The following ZFHX3 variants were observed in gnomAD, a reference collection of about 807,000 sequenced individuals.
ZFHX3 encodes the protein zinc finger homeobox protein 3.
In ZFHX3, 42 loss-of-function variants were observed where a neutral mutation model predicts 279.1. The ratio of observed to expected loss-of-function variants is 0.15; its 90% confidence interval spans 0.12 to 0.19. The LOEUF (loss-of-function observed/expected upper bound fraction) is 0.19, where lower values mean the gene tolerates loss of function less well. Among genes scored for constraint, ZFHX3 ranks in the 10% least tolerant of loss-of-function variants. The pLI, the probability that ZFHX3 is intolerant of heterozygous loss-of-function variation, is 1.00. For synonymous variants in ZFHX3, 2,293 were observed against 1,957.8 expected, an observed-to-expected ratio of 1.17 and a Z score of -4.52; for missense variants, 4,981 against 4,754.0, an observed-to-expected ratio of 1.05 and a Z score of -1.40.
exon 3 of ZFHX3, chr16:73,456,120 G>C (rs544142482): frequency 6.6e-6 from 1 of 152,188 alleles, no homozygotes; most frequent in African/African-American, 2.4e-5. Flanking sequence ...CCAGCGGGCA[G>C]CAGAGTCCTC....
chr16:73,141,848 G>A (rs1180394819), intron 6 of ZFHX3, among the ~76,000 whole-genome samples: 1 of 152,190 alleles, frequency 6.6e-6, no homozygotes, highest in Non-Finnish European at 1.5e-5. Flanking sequence ...TGCCCAGCCT[G>A]TAATCTTGAT....
intron 5 of ZFHX3, among the ~76,000 whole-genome samples, chr16:73,249,856 CA>C (rs1241798196): frequency 1.0e-5 from 1 of 98,254 alleles, no homozygotes; most frequent in Non-Finnish European, 2.2e-5. Flanking sequence ...ACACAAAATT[CA>C]AAAGACCAAT....
Position 72,788,309 on chromosome 16 carries a change from T to G in ZFHX3, c.9967A>C (p.Ile3323Leu). The G allele has an allele frequency of 6.2e-7, 1 of 1,614,110 alleles. No individual in the cohort carries two copies. Residue 3323 changes from isoleucine (I) to leucine (L), a missense_variant, in exon 10 of 10, where the codon ATC (isoleucine) becomes CTC (leucine). Physicochemically the swap from Ile to Leu is conservative, Grantham distance 5 (BLOSUM62 2). This residue lies in a region of ZFHX3 where 1,034 missense variants were observed against 786.0 expected (regional missense o/e 1.32). Coordinates refer to ENST00000268489, the MANE Select transcript of ZFHX3 (RefSeq NM_006885.4). ...PGFSPYYAPQ[I>L]PGALQSGYLQ... ...TACCCGCTCTGCAGGGCGCCAGGGATCTGGGGAGCATAATAAGGAGAAAAG... is the reference window on the plus strand; with the variant it reads ...TACCCGCTCTGCAGGGCGCCAGGGAGCTGGGGAGCATAATAAGGAGAAAAG...
intron 4 of ZFHX3, among the ~76,000 whole-genome samples, chr16:73,258,637 C>T (rs1056521059): frequency 2.0e-5 from 3 of 152,072 alleles, no homozygotes; most frequent in South Asian, 2.1e-4. Flanking sequence ...CGTGAGCCAC[C>T]GCACCCGGCC....
At chr16:73,166,976 ATT>A (rs1470050418) in intron 5 of ZFHX3, among the ~76,000 whole-genome samples, 1 of 152,160 alleles carries the variant, frequency 6.6e-6, no homozygotes, top group Non-Finnish European at 1.5e-5. Context: ...CCTCCTCATG[ATT>A]TCCCCGAATG....
At chr16:73,717,441 G>C (rs8047964) in intron 1 of ZFHX3, among the ~76,000 whole-genome samples, 137,196 of 152,180 alleles carry the variant, frequency 0.9, 62,183 homozygotes, top group Non-Finnish European at 0.95. Flanking sequence ...GGCCACCACT[G>C]TCTGGTTACT....
At chr16:72,792,369 C>T (rs1036673590) in intron 9 of ZFHX3, among the ~76,000 whole-genome samples, 11 of 152,184 alleles carry the variant, frequency 7.2e-5, no homozygotes, top group South Asian at 2.1e-4. Flanking sequence ...TCAAGTAGAA[C>T]GGCCATCTTG....
At chr16:73,083,950 GT>G (rs1965978868) in intron 8 of ZFHX3, among the ~76,000 whole-genome samples, 1 of 152,212 alleles carries the variant, frequency 6.6e-6, no homozygotes, top group Non-Finnish European at 1.5e-5. Flanking sequence ...TAGGGCCATG[GT>G]TCTCAACTGG....
At chr16:73,432,899 T>A (rs1436530920) in intron 3 of ZFHX3, among the ~76,000 whole-genome samples, 10 of 152,178 alleles carry the variant, frequency 6.6e-5, no homozygotes, top group Admixed American at 6.5e-4. Context: ...ACAGAGACAG[T>A]TAAGAATCAT....
chr16:72,972,732 T>G (rs1962162313), intron 1 of ZFHX3, among the ~76,000 whole-genome samples: 1 of 151,868 alleles, frequency 6.6e-6, no homozygotes, highest in South Asian at 2.1e-4. Flanking sequence ...AGCTTCAATC[T>G]CCCCTGCATT....
rs564908608 is a variant in ZFHX3, at chr16:73,246,213, C to T, written c.-1104+10834G>A. Among the ~76,000 whole-genome samples, 5 of 152,116 alleles carry T rather than the reference C, an allele frequency of 3.3e-5. 1 individual carries two copies. Among genetic ancestry groups the T allele is most frequent in the East Asian group, 3.9e-4 (2 of 5,168 alleles). Reference sequence around the variant, plus strand: ...GAGTTGTGACCTTTTAGGAGAGAGCCGAGGCATTATGAGCCAGGAGTGAAC... The same window carrying T: ...GAGTTGTGACCTTTTAGGAGAGAGCTGAGGCATTATGAGCCAGGAGTGAAC... On this transcript the variant is annotated intron_variant, in intron 5 of 17. Coordinates refer to the ZFHX3 transcript ENST00000641206.
intron 6 of ZFHX3, among the ~76,000 whole-genome samples, chr16:73,140,629 G>T (rs763719258): frequency 2.0e-5 from 3 of 152,234 alleles, no homozygotes; most frequent in Non-Finnish European, 4.4e-5. Flanking sequence ...GCCGAGGTGG[G>T]TGGATCACTT....
intron 3 of ZFHX3, among the ~76,000 whole-genome samples, chr16:73,426,562 T>C (rs939958613): frequency 6.6e-6 from 1 of 152,032 alleles, no homozygotes; most frequent in Admixed American, 6.6e-5. Flanking sequence ...CTTCAAATTA[T>C]AATCATAGGG....
At chr16:73,010,481 A>G (rs1464980018) in intron 1 of ZFHX3, among the ~76,000 whole-genome samples, 1 of 152,258 alleles carries the variant, frequency 6.6e-6, no homozygotes, top group Non-Finnish European at 1.5e-5. Context: ...GCAGTAATTA[A>G]TAGTATAATC....
chr16:73,453,870 C>T (rs2018324835), intron 3 of ZFHX3, among the ~76,000 whole-genome samples: 2 of 152,146 alleles, frequency 1.3e-5, no homozygotes, highest in Admixed American at 6.5e-5. Context: ...TTCACTATCA[C>T]CAGAACAGCA....
At chr16:73,039,257 C>G (rs1965024115) in intron 1 of ZFHX3, among the ~76,000 whole-genome samples, 1 of 152,118 alleles carries the variant, frequency 6.6e-6, no homozygotes, top group Non-Finnish European at 1.5e-5. Context: ...CACACCCAGC[C>G]CAGATTCTTC....
intron 1 of ZFHX3, among the ~76,000 whole-genome samples, chr16:73,810,742 T>C (rs1207266727): frequency 1.3e-5 from 2 of 152,126 alleles, no homozygotes; most frequent in Non-Finnish European, 2.9e-5. Context: ...ATCTTAGAAC[T>C]GAATTCAAGT....
rs147336348 is a variant in ZFHX3 at position 72,891,146 on chromosome 16, C to G, written c.3217-1184G>C. Among the ~76,000 whole-genome samples the G allele has an allele frequency of 2.0e-5, 3 of 152,362 alleles. No individual in the cohort carries two copies. The East Asian group carries it at 5.8e-4, about 29-fold the overall frequency. ...TGCCAGAAAAATAAATTTCTCCAGACTAGTTCCCTGTCAATATCTCAAAGT... is the reference window on the plus strand; with the variant it reads ...TGCCAGAAAAATAAATTTCTCCAGAGTAGTTCCCTGTCAATATCTCAAAGT... On this transcript the variant is annotated intron_variant, in intron 3 of 9. Coordinates refer to ENST00000268489, the MANE Select transcript of ZFHX3 (RefSeq NM_006885.4).
chr16:73,874,064 T>C (rs2029881565), intron 1 of ZFHX3, among the ~76,000 whole-genome samples: 1 of 152,162 alleles, frequency 6.6e-6, no homozygotes, highest in Non-Finnish European at 1.5e-5. Context: ...ATGAATGCAA[T>C]AGCTGCCTAC....
Sources: allele counts gnomAD v4.1 joint callset (sites outside exome capture counted in the v4.1 genomes callset), GRCh38; gene constraint gnomAD v4.1.1; regional missense constraint gnomAD v4.1.1; transcripts MANE v1.5; gene names NCBI Gene and HGNC (gene_info 2026-07-23, HGNC 2026-07-21).